The following ZNF66 variants were observed in gnomAD, a reference collection of about 807,000 sequenced individuals.
The protein encoded by ZNF66 is zinc finger protein 66, also known as putative zinc finger protein 66.
ZNF66 carries 32 observed loss-of-function variants against 35.2 expected under a neutral mutation model. The ratio of observed to expected loss-of-function variants is 0.91; its 90% CI spans 0.69 to 1.22. The LOEUF is 1.22. ZNF66 is among the 50% of genes most tolerant of loss of function. The pLI, the probability that ZNF66 is intolerant of heterozygous loss-of-function variation, is 0.00. For missense variants in ZNF66, 666 were observed against 543.1 expected (o/e 1.23, Z -2.25); for synonymous variants, 231 against 181.3 (o/e 1.27, Z -2.20).
At chr19:20,798,988 T>TTA (rs752186724) in intron 3 of ZNF66, 2 of 152,108 alleles carry the variant, frequency 1.3e-5, no homozygotes, top group Non-Finnish European at 2.9e-5. Flanking sequence ...GTATTTTCAA[T>TTA]TATGTCTTCC....
At chr19:20,792,698 T>A in intron 2 of ZNF66, 60 bp downstream of exon 2, 1 of 971,692 alleles carries the variant, frequency 1.0e-6, no homozygotes, top group Non-Finnish European at 1.5e-6. Flanking sequence ...TTCTCTTTTT[T>A]GTAGAATGTT....
chr19:20,776,378 T>G lies in ZNF66; in HGVS notation c.-70T>G. On this transcript the variant is annotated 5_prime_UTR_variant, in exon 1 of 4. Transcript: ENST00000344519. Reference sequence around the variant, plus strand: ...CTTCTTCTCCTAGAGGCCCAGCCTCTGTGGCCCTGTGTCCTGCAGGTATTG... The same window carrying G: ...CTTCTTCTCCTAGAGGCCCAGCCTCGGTGGCCCTGTGTCCTGCAGGTATTG... The G allele has an allele frequency of 6.6e-7, 1 of 1,523,962 alleles. No homozygotes were observed. The highest frequency in any genetic ancestry group is 9.1e-7 in the Non-Finnish European group (1 of 1,100,200). 94.4% of individuals were successfully genotyped at this position (1,523,962 alleles called of 1,614,324 possible). A position where few individuals can be genotyped will look rare whatever the true frequency, so the allele number is the denominator to read the frequency against.
intron 1 of ZNF66, 64 bp downstream of exon 1, chr19:20,776,514 CTCAG>C (rs1971195987): frequency 1.3e-6 from 2 of 1,482,132 alleles, no homozygotes; most frequent in South Asian, 1.1e-5. Flanking sequence ...CAGGCCTCCC[CTCAG>C]TCAGCTCCAC....
At chr19:20,800,163 T>G (rs917464666) in intron 3 of ZNF66, among the ~76,000 whole-genome samples, 5 of 152,178 alleles carry the variant, frequency 3.3e-5, no homozygotes, top group Non-Finnish European at 2.9e-5. Context: ...ACTACAGACA[T>G]GCACTACCAT....
Position 20,806,321 on chromosome 19 carries a change from T to C in ZNF66, c.721T>C (p.Ser241Pro). ...CEDCGKAFNR[S>P]SNLTTHKKIH... The stretch of plus-strand genomic sequence containing the variant: ...AGACTGTGGCAAAGCCTTTAACCGC[T>C]CCTCTAACCTTACTACACATAAGAA... The change falls in exon 4 of 4, where the codon TCC becomes CCC. Residue 241 changes from serine (S) to proline (P), a missense_variant. Transcript: ENST00000344519. 1 of 1,523,334 alleles carries C rather than the reference T, an allele frequency of 6.6e-7. No homozygotes were observed. The highest frequency in any genetic ancestry group is 9.1e-7 in the Non-Finnish European group (1 of 1,098,338). 94.4% of individuals were successfully genotyped at this position (1,523,334 alleles called of 1,614,324 possible). A position where few individuals can be genotyped will look rare whatever the true frequency, so the allele number is the denominator to read the frequency against.
chr19:20,779,224 A>C (rs1599544303), intron 1 of ZNF66, among the ~76,000 whole-genome samples: 2 of 152,314 alleles, frequency 1.3e-5, no homozygotes, highest in South Asian at 4.1e-4. Flanking sequence ...AAAAAAAATG[A>C]ATTCCAAAAA....
intron 1 of ZNF66, among the ~76,000 whole-genome samples, chr19:20,788,879 C>T (rs1294705029): frequency 1.3e-5 from 2 of 151,646 alleles, no homozygotes; most frequent in Non-Finnish European, 2.9e-5. Context: ...GGTGAAACGC[C>T]GTCTCTACTA....
In ZNF66 at chr19:20,808,782, A is replaced by C. The variant is rs887533029; in HGVS notation, c.*1460A>C. Among the ~76,000 whole-genome samples the C allele has an allele frequency of 8.0e-5, 12 of 150,572 alleles. 1 individual carries two copies. The highest frequency in any genetic ancestry group is 7.9e-4 in the Admixed American group (12 of 15,164). ...AGAAAAACTGGAAAGTCTAAAAAGC[A>C]GAGCACCTCTCCTCCTCCAAAGGAA... On this transcript the variant is annotated 3_prime_UTR_variant, in exon 4 of 4. Coordinates refer to ENST00000344519, the MANE Select transcript of ZNF66 (RefSeq NM_001355197.2).
At chr19:20,805,710 G>A (rs1971495872) in intron 3 of ZNF66, 117 bp from the exon 4 acceptor site, 1 of 427,430 alleles carries the variant, frequency 2.3e-6, no homozygotes, top group Non-Finnish European at 4.2e-6. Context: ...TACAGCTTGT[G>A]ATATTTTGCT....
At chr19:20,800,781 A>G (rs1971440451) in intron 3 of ZNF66, among the ~76,000 whole-genome samples, 1 of 152,200 alleles carries the variant, frequency 6.6e-6, no homozygotes, top group Non-Finnish European at 1.5e-5. Context: ...TGAGCCAAAT[A>G]AACCTTTTTT....
chr19:20,781,690 T>C (rs1971246628), intron 1 of ZNF66, among the ~76,000 whole-genome samples: 1 of 152,004 alleles, frequency 6.6e-6, no homozygotes, highest in African/African-American at 2.4e-5. Flanking sequence ...GTATTTTTAA[T>C]AGAGATGGAG....
chr19:20,801,650 T>C (rs1459673177), intron 3 of ZNF66, among the ~76,000 whole-genome samples: 2 of 151,908 alleles, frequency 1.3e-5, no homozygotes, highest in African/African-American at 4.8e-5. Flanking sequence ...CGGCCTCATG[T>C]ATTTTTGAGA....
At chr19:20,776,828 T>C (rs1197156515) in intron 1 of ZNF66, among the ~76,000 whole-genome samples, 2 of 152,016 alleles carry the variant, frequency 1.3e-5, no homozygotes, top group Non-Finnish European at 2.9e-5. Flanking sequence ...ATTAAAATTG[T>C]ATGGGGCCGG....
intron 1 of ZNF66, among the ~76,000 whole-genome samples, chr19:20,782,334 T>G (rs1971252532): frequency 6.6e-6 from 1 of 152,250 alleles, no homozygotes; most frequent in South Asian, 2.1e-4. Flanking sequence ...GCAGTGAACA[T>G]GCATGTGGAT....
At chr19:20,795,007 G>A (rs576202411) in intron 3 of ZNF66, among the ~76,000 whole-genome samples, 4 of 151,254 alleles carry the variant, frequency 2.6e-5, no homozygotes, top group Admixed American at 2.0e-4. Context: ...GAGTAGCTGG[G>A]ATTACAGGTG....
At chr19:20,781,256 C>T (rs1318994124) in intron 1 of ZNF66, among the ~76,000 whole-genome samples, 4 of 152,064 alleles carry the variant, frequency 2.6e-5, no homozygotes, top group African/African-American at 4.8e-5. Flanking sequence ...ATTTTTGATT[C>T]GGGGTACACG....
At position 20,806,021 on chromosome 19, in the gene ZNF66, C is replaced by G. The variant is rs756251148; in HGVS notation, c.421C>G (p.Gln141Glu). 1.2e-6 allele frequency: 1 copy of G among 823,170 alleles called. No individual in the cohort carries two copies. Among genetic ancestry groups the G allele is most frequent in the African/African-American group, 1.7e-5 (1 of 59,422 alleles). The allele number at this position is 823,170 out of a possible 1,614,324, so 51.0% of individuals were successfully genotyped here. Reference protein sequence around the residue: ...NGLNQCLTTTQSKMFQCDKHG... With the variant: ...NGLNQCLTTTESKMFQCDKHG... ...ACTTAACCAATGTTTGACAACTACC[C>G]AAAGCAAAATGTTTCAATGTGATAA... The change falls in exon 4 of 4, where the codon CAA becomes GAA. Residue 141 changes from glutamine (Q) to glutamate (E), a missense_variant. Gln to Glu is a conservative substitution (Grantham distance 29, BLOSUM62 2). Coordinates refer to ENST00000344519, the MANE Select transcript of ZNF66 (RefSeq NM_001355197.2).
intron 1 of ZNF66, among the ~76,000 whole-genome samples, chr19:20,778,356 T>C (rs1335592461): frequency 6.6e-6 from 1 of 152,222 alleles, no homozygotes; most frequent in Admixed American, 6.5e-5. Flanking sequence ...CACCTTGGCC[T>C]TCCAAAGTGT....
rs924484396 is a variant in ZNF66 at position 20,801,338 on chromosome 19, C to CATTTTATTTTATTTTATTTT, written c.227-4488_227-4469dup. Among the ~76,000 whole-genome samples the CATTTTATTTTATTTTATTTT allele has an allele frequency of 5.0e-3, 758 of 150,220 alleles. 12 individuals are homozygous for CATTTTATTTTATTTTATTTT. Among genetic ancestry groups the CATTTTATTTTATTTTATTTT allele is most frequent in the African/African-American group, 0.018 (720 of 40,536 alleles). On this transcript the variant is annotated intron_variant, in intron 3 of 3. Coordinates refer to ENST00000344519, the MANE Select transcript of ZNF66 (RefSeq NM_001355197.2). The stretch of plus-strand genomic sequence containing the variant: ...ATTATGCATATATTCATTTATTATT[C>CATTTTATTTTATTTTATTTT]ATTTTATTTTATTTTATTTTTTGAG...
Sources: gnomAD v4.1 joint callset for allele counts (sites outside exome capture counted in the v4.1 genomes callset) on GRCh38, gnomAD v4.1.1 for gene constraint, MANE v1.5 for transcripts, NCBI Gene and HGNC (gene_info 2026-07-23, HGNC 2026-07-21) for gene names.